The following XKR4 variants were observed in gnomAD, a reference collection of about 807,000 sequenced individuals.
XKR4 encodes the protein XK related 4.
XKR4 carries 12 observed loss-of-function variants against 53.9 expected under a neutral mutation model. That is an observed-to-expected ratio of 0.22 (90% confidence interval 0.14 to 0.36). The LOEUF (loss-of-function observed/expected upper bound fraction) is 0.36, where lower values mean the gene tolerates loss of function less well. XKR4 is among the 10% of genes least tolerant of loss of function. The pLI is 1.00. For missense variants in XKR4, 799 were observed against 859.5 expected (o/e 0.93, Z 0.88); for synonymous variants, 354 against 362.4 (o/e 0.98, Z 0.26).
chr8:55,406,336 A>C (rs191937089), intron 2 of XKR4, among the ~76,000 whole-genome samples: 13 of 152,260 alleles, frequency 8.5e-5, no homozygotes, highest in African/African-American at 2.9e-4. Flanking sequence ...ACCACCTATC[A>C]GCATTAACTG....
chr8:55,482,989 G>A (rs1047196524), intron 2 of XKR4, among the ~76,000 whole-genome samples: 2 of 152,116 alleles, frequency 1.3e-5, no homozygotes, highest in Non-Finnish European at 2.9e-5. Flanking sequence ...TGTTAGCCCT[G>A]TTCATAATAA....
chr8:55,340,399 G>A (rs940416706), intron 1 of XKR4, among the ~76,000 whole-genome samples: 2 of 152,226 alleles, frequency 1.3e-5, no homozygotes, highest in Non-Finnish European at 2.9e-5. Flanking sequence ...AGAATGATGA[G>A]TTGGATAGGC....
intron 1 of XKR4, among the ~76,000 whole-genome samples, chr8:55,193,611 G>A (rs1817470586): frequency 6.6e-6 from 1 of 152,216 alleles, no homozygotes; most frequent in African/African-American, 2.4e-5. Context: ...CAAGTTATTT[G>A]AGTTGTCCCC....
intron 1 of XKR4, among the ~76,000 whole-genome samples, chr8:55,287,982 TG>T (rs1416905522): frequency 2.6e-5 from 4 of 152,322 alleles, no homozygotes; most frequent in Non-Finnish European, 5.9e-5. Context: ...ATGGCAAGCT[TG>T]TCCAACCCAT....
rs146810976 is a variant in XKR4 at position 55,475,669 on chromosome 8, T to C, written c.1007-47612T>C. 5.8e-3 allele frequency among the ~76,000 whole-genome samples: 874 copies of C among 151,984 alleles called. 13 individuals are homozygous for C. The highest frequency in any genetic ancestry group is 0.02 in the African/African-American group (813 of 41,338). On this transcript the variant is annotated intron_variant, in intron 2 of 2. Transcript: ENST00000327381. Reference sequence around the variant, plus strand: ...TCTAGGCTGGAGTGCAGTGGCATGATCTTGGCTCACTGCAACCTCCACCTC... The same window carrying C: ...TCTAGGCTGGAGTGCAGTGGCATGACCTTGGCTCACTGCAACCTCCACCTC...
At chr8:55,301,517 G>C (rs562349584) in intron 1 of XKR4, among the ~76,000 whole-genome samples, 2 of 152,238 alleles carry the variant, frequency 1.3e-5, no homozygotes, top group African/African-American at 4.8e-5. Flanking sequence ...ACCCAGTAAT[G>C]AGATGGCTGG....
At chr8:55,215,629 G>C (rs574392341) in intron 1 of XKR4, among the ~76,000 whole-genome samples, 11 of 152,276 alleles carry the variant, frequency 7.2e-5, no homozygotes, top group Non-Finnish European at 1.5e-4. Context: ...CTGATTTTTA[G>C]ATTTTTAGGT....
chr8:55,309,758 T>G (rs1358979270), intron 1 of XKR4, among the ~76,000 whole-genome samples: 1 of 152,212 alleles, frequency 6.6e-6, no homozygotes, highest in Non-Finnish European at 1.5e-5. Context: ...TCAGTACAAT[T>G]TTTAATAAAG....
chr8:55,266,012 T>A (rs980608448), intron 1 of XKR4, among the ~76,000 whole-genome samples: 24 of 150,018 alleles, frequency 1.6e-4, no homozygotes, highest in African/African-American at 2.9e-4. Flanking sequence ...ATAAAAAATT[T>A]AAAAATTCTT....
intron 2 of XKR4, among the ~76,000 whole-genome samples, chr8:55,490,700 C>T (rs770385664): frequency 6.6e-6 from 1 of 152,076 alleles, no homozygotes; most frequent in African/African-American, 2.4e-5. Context: ...GTGTACGTGA[C>T]ATGTTTTTTT....
chr8:55,105,380 G>A (rs1287767909), intron 1 of XKR4, among the ~76,000 whole-genome samples: 1 of 152,074 alleles, frequency 6.6e-6, no homozygotes, highest in African/African-American at 2.4e-5. Context: ...AGAAGGGATG[G>A]AAGGGTAAGG....
At chr8:55,453,464 A>C in intron 2 of XKR4, 1 of 397,404 alleles carries the variant, frequency 2.5e-6, no homozygotes. Context: ...CCCCTCAAAC[A>C]CGTGGGAGAT....
chr8:55,105,220 A>C (rs1288143996), intron 1 of XKR4, among the ~76,000 whole-genome samples: 1 of 152,158 alleles, frequency 6.6e-6, no homozygotes, highest in Non-Finnish European at 1.5e-5. Flanking sequence ...TTGAAAAATG[A>C]TTCTTAATTT....
intron 1 of XKR4, among the ~76,000 whole-genome samples, chr8:55,341,301 G>A (rs1803542364): frequency 6.6e-6 from 1 of 152,122 alleles, no homozygotes; most frequent in South Asian, 2.1e-4. Flanking sequence ...TACATTACCT[G>A]GCAGGTGGGC....
At chr8:55,482,470 A>C (rs1025661235) in intron 2 of XKR4, among the ~76,000 whole-genome samples, 26 of 152,122 alleles carry the variant, frequency 1.7e-4, no homozygotes, top group Non-Finnish European at 3.2e-4. Flanking sequence ...TGGGTGCAGC[A>C]CACCAACATG....
chr8:55,207,573 A>G (rs538986752), intron 1 of XKR4, among the ~76,000 whole-genome samples: 1 of 152,088 alleles, frequency 6.6e-6, no homozygotes, highest in East Asian at 1.9e-4. Context: ...TCCTTCCTCA[A>G]TTACTGTCCA....
At chr8:55,446,135 AACT>A (rs1041901811) in intron 2 of XKR4, among the ~76,000 whole-genome samples, 1 of 150,850 alleles carries the variant, frequency 6.6e-6, no homozygotes, top group African/African-American at 2.4e-5. Flanking sequence ...CCCACCCTGA[AACT>A]ATAGCGTTAT....
intron 1 of XKR4, among the ~76,000 whole-genome samples, chr8:55,298,754 GCA>G (rs1471165312): frequency 6.6e-6 from 1 of 152,094 alleles, no homozygotes; most frequent in Non-Finnish European, 1.5e-5. Flanking sequence ...CTGTGTGCAT[GCA>G]CACACATGTA....
intron 1 of XKR4, among the ~76,000 whole-genome samples, chr8:55,288,065 T>A (rs1818932073): frequency 6.6e-6 from 1 of 152,208 alleles, no homozygotes; most frequent in South Asian, 2.1e-4. Context: ...TGTTAGCTCA[T>A]CAGCTATCAT....
Sources: gnomAD v4.1 joint callset for allele counts (sites outside exome capture counted in the v4.1 genomes callset) on GRCh38, gnomAD v4.1.1 for gene constraint, MANE v1.5 for transcripts, NCBI Gene and HGNC (gene_info 2026-07-23, HGNC 2026-07-21) for gene names.